FHIT: variants seen among roughly 807,000 people sequenced by gnomAD.
FHIT encodes bis(5'-adenosyl)-triphosphatase.
Under a neutral mutation model 17.9 loss-of-function variants are expected in FHIT, and 19 were observed. That is an observed-to-expected ratio of 1.06 (90% CI 0.74 to 1.56). The LOEUF is 1.56. FHIT is among the 40% of genes most tolerant of loss of function. The pLI is 0.00. For synonymous variants in FHIT, 81 were observed against 69.7 expected (o/e 1.16, Z -0.81); for missense variants, 248 against 189.2 (o/e 1.31, Z -1.82).
chr3:60,097,554 C>T (rs890984044), intron 5 of FHIT, among the ~76,000 whole-genome samples: 11 of 152,130 alleles, frequency 7.2e-5, no homozygotes, highest in Non-Finnish European at 1.3e-4. Context: ...ACCAACCCCT[C>T]CTCTTCCTCC....
rs553405699 is a variant in FHIT at position 60,077,028 on chromosome 3, T to C, written c.104-62876A>G. ...TAATAATCTATTTATAAGAAATAAC[T>C]GATTAAATAAGATAGATAAAACTTA... On this transcript the variant is annotated intron_variant, in intron 5 of 9. Coordinates refer to ENST00000492590, the MANE Select transcript of FHIT (RefSeq NM_002012.4). Among the ~76,000 whole-genome samples the C allele has an allele frequency of 1.5e-3, 229 of 151,808 alleles. 1 individual carries two copies. The highest frequency in any genetic ancestry group is 4.6e-3 in the African/African-American group (189 of 41,448).
chr3:60,241,018 A>G (rs1447981164), intron 5 of FHIT, among the ~76,000 whole-genome samples: 2 of 152,148 alleles, frequency 1.3e-5, no homozygotes, highest in South Asian at 2.1e-4. Flanking sequence ...TTAAAAGTAA[A>G]TATTTCTTTA....
chr3:60,029,415 C>T (rs573019580), intron 5 of FHIT, among the ~76,000 whole-genome samples: 2 of 152,282 alleles, frequency 1.3e-5, no homozygotes, highest in Non-Finnish European at 2.9e-5. Flanking sequence ...GAACTAGTGT[C>T]ATATGTGATG....
rs981752475 is a variant in FHIT, at chr3:60,158,591, C to T, written c.104-144439G>A. Among the ~76,000 whole-genome samples the T allele has an allele frequency of 3.3e-5, 5 of 152,132 alleles. No homozygotes were observed. The South Asian group carries it at 8.3e-4, about 25-fold the overall frequency. On this transcript the variant is annotated intron_variant, in intron 5 of 9. Transcript: ENST00000492590. ...CCTTGCAAAGTGCTGGGATTACAGG[C>T]GTAAGCCACCGCGCCCGGCCTCATA...
chr3:61,164,156 C>A (rs756226258), intron 2 of FHIT, among the ~76,000 whole-genome samples: 3 of 152,150 alleles, frequency 2.0e-5, no homozygotes, highest in Non-Finnish European at 2.9e-5. Context: ...CAATGGTATT[C>A]CAGATTCTAG....
At chr3:60,262,493 A>T (rs533745615) in intron 5 of FHIT, among the ~76,000 whole-genome samples, 1 of 152,080 alleles carries the variant, frequency 6.6e-6, no homozygotes, top group East Asian at 1.9e-4. Flanking sequence ...TGCTGAAGAG[A>T]ACTACCCTTC....
At chr3:60,678,342 G>T (rs1735444) in intron 4 of FHIT, among the ~76,000 whole-genome samples, 120,361 of 152,098 alleles carry the variant, frequency 0.79, 49,399 homozygotes, top group Non-Finnish European at 0.9. Flanking sequence ...AATCACATTT[G>T]CTAAAACTTT....
At chr3:60,542,782 TTA>T (rs1339321258) in intron 4 of FHIT, among the ~76,000 whole-genome samples, 4 of 152,202 alleles carry the variant, frequency 2.6e-5, no homozygotes, top group African/African-American at 9.7e-5. Flanking sequence ...AATTTTCTTT[TTA>T]TAGTTTGTGC....
intron 5 of FHIT, among the ~76,000 whole-genome samples, chr3:60,228,863 T>C (rs1276092217): frequency 6.6e-6 from 1 of 152,170 alleles, no homozygotes. Flanking sequence ...TTTCCTATTC[T>C]TATGTAATCC....
chr3:60,963,318 C>T (rs1289539072), intron 3 of FHIT, among the ~76,000 whole-genome samples: 2 of 152,118 alleles, frequency 1.3e-5, no homozygotes, highest in Non-Finnish European at 2.9e-5. Flanking sequence ...ATTCTTCTCT[C>T]TTTTCTTCTT....
chr3:60,800,057 A>C (rs1052980547), intron 4 of FHIT, among the ~76,000 whole-genome samples: 8 of 150,466 alleles, frequency 5.3e-5, no homozygotes, highest in Non-Finnish European at 1.2e-4. Flanking sequence ...TCTAGCATGA[A>C]GCCTTTATTC....
chr3:60,287,748 A>G (rs1707794424), intron 5 of FHIT, among the ~76,000 whole-genome samples: 1 of 152,130 alleles, frequency 6.6e-6, no homozygotes, highest in African/African-American at 2.4e-5. Flanking sequence ...AAAGGAAAAG[A>G]AAGGATTCAG....
chr3:60,677,430 T>C (rs2040646288), intron 4 of FHIT, among the ~76,000 whole-genome samples: 1 of 152,198 alleles, frequency 6.6e-6, no homozygotes, highest in Non-Finnish European at 1.5e-5. Flanking sequence ...TCTGAGTTTT[T>C]TCACTTAAGA....
At chr3:60,621,166 T>TG (rs2039116951) in intron 4 of FHIT, among the ~76,000 whole-genome samples, 1 of 113,172 alleles carries the variant, frequency 8.8e-6, no homozygotes, top group Non-Finnish European at 1.8e-5. Flanking sequence ...TTTTTTTTTT[T>TG]GAGATGGAGT....
At chr3:61,157,808 T>A (rs1294425436) in intron 2 of FHIT, among the ~76,000 whole-genome samples, 2 of 152,176 alleles carry the variant, frequency 1.3e-5, no homozygotes, top group Non-Finnish European at 2.9e-5. Flanking sequence ...TTTAAAAATT[T>A]AACTAAATGG....
rs1025047252 is a variant in FHIT at position 60,548,906 on chromosome 3, G to A, written c.-17-11927C>T. Among the ~76,000 whole-genome samples the A allele has an allele frequency of 3.3e-5, 5 of 152,300 alleles. No individual in the cohort carries two copies. The South Asian group carries it at 8.3e-4, about 25-fold the overall frequency. ...AACAATGTAGCTAACCCATCACGGG[G>A]ATTTGACAAACATGGCTTCCGATTG... On this transcript the variant is annotated intron_variant, in intron 4 of 9. Transcript: ENST00000492590.
rs544052306 is a variant in FHIT at position 60,190,325 on chromosome 3, A to G, written c.104-176173T>C. Among the ~76,000 whole-genome samples the G allele has an allele frequency of 2.6e-5, 4 of 152,122 alleles. No homozygotes were observed. In the South Asian group the frequency reaches 8.3e-4, roughly 32 times the overall value. On this transcript the variant is annotated intron_variant, in intron 5 of 9. Coordinates refer to ENST00000492590, the MANE Select transcript of FHIT (RefSeq NM_002012.4). ...CAGAAATGACGCAGTGAAATGGCTA[A>G]TGGCCAGAGAGTGGGAGTGAGATGA...
intron 2 of FHIT, among the ~76,000 whole-genome samples, chr3:61,155,629 C>A (rs1282997120): frequency 6.6e-6 from 1 of 152,100 alleles, no homozygotes; most frequent in Admixed American, 6.5e-5. Flanking sequence ...TAAAGCAAGA[C>A]TAAGACAGCA....
At chr3:60,006,805 C>T (rs1445232901) in intron 7 of FHIT, among the ~76,000 whole-genome samples, 1 of 152,052 alleles carries the variant, frequency 6.6e-6, no homozygotes, top group African/African-American at 2.4e-5. Context: ...GATAAAATGT[C>T]CTCATTTTCA....
Sources: allele counts gnomAD v4.1 joint callset (sites outside exome capture counted in the v4.1 genomes callset), GRCh38; gene constraint gnomAD v4.1.1; transcripts MANE v1.5; gene names NCBI Gene and HGNC (gene_info 2026-07-23, HGNC 2026-07-21).